The following CARNS1 variants were observed in gnomAD, a reference collection of about 807,000 sequenced individuals.
CARNS1 encodes ATP-grasp domain containing 1.
CARNS1 carries 61 observed loss-of-function variants against 74.0 expected under a neutral mutation model. The observed-to-expected ratio is 0.82, with a 90% CI of 0.67 to 1.02. The LOEUF (loss-of-function observed/expected upper bound fraction) is 1.02. Ranked by LOEUF, CARNS1 falls within the 50% of genes least tolerant of loss-of-function variation. The pLI, the probability that CARNS1 is intolerant of heterozygous loss-of-function variation, is 0.00. For missense variants in CARNS1, 1,278 were observed against 1,308.4 expected (o/e 0.98, Z 0.36); for synonymous variants, 568 against 605.5 (o/e 0.94, Z 0.91).
chr11:67,420,704 C>T lies in CARNS1; in HGVS notation c.1209C>T (p.Gly403=). 2 of 1,266,602 alleles carry T rather than the reference C, an allele frequency of 1.6e-6. No individual in the cohort carries two copies. The highest frequency in any genetic ancestry group is 2.0e-6 in the Non-Finnish European group (2 of 1,009,262). 78.5% of individuals were successfully genotyped at this position (1,266,602 alleles called of 1,614,324 possible). ...LEVALAQCGL[G]EEAQVAAVRQ... is the part of the protein sequence containing the mutation. ...TGGCGCTGGCCCAGTGCGGCCTGGG[C>T]GAGGAGGCGCAGGTGGCGGCTGTGC... The change falls in exon 8 of 10, where the codon GGC becomes GGT. Residue 403 remains glycine, a synonymous_variant. Coordinates refer to ENST00000687366, the MANE Select transcript of CARNS1 (RefSeq NM_001166222.2).
At position 67,419,544 on chromosome 11, in the gene CARNS1, C is replaced by A. The variant is rs1469971369; in HGVS notation, c.910C>A (p.Pro304Thr). The A allele has an allele frequency of 6.2e-7, 1 of 1,608,358 alleles. No homozygotes were observed. Among genetic ancestry groups the A allele is most frequent in the Admixed American group, 1.7e-5 (1 of 59,570 alleles). ...GGGGCGGCAGGCATGGCGTCTGCAC[C>A]CGCGGGCAGAGCTGGGTGCAGTGGT... ...WRGRQAWRLH[P>T]RAELGAVVDT... Residue 304 changes from proline to threonine, a missense_variant, in exon 6 of 10, where the codon CCG becomes ACG. Physicochemically the swap from Pro to Thr is conservative, Grantham distance 38 (BLOSUM62 -1). Around this residue, in one of 3 missense-constraint regions of CARNS1, gnomAD observed 1,164 missense variants for 1,156.5 expected, o/e 1.01. Coordinates refer to ENST00000687366, the MANE Select transcript of CARNS1 (RefSeq NM_001166222.2).
chr11:67,421,185 T>C lies in CARNS1; in HGVS notation c.1592T>C (p.Phe531Ser), dbSNP rs978360640. Reference sequence around the variant, plus strand: ...GGCGCTGGCGGCGTCAGCAAGAAGTTCGTGTGGGAGGCGGCGCGCGACTAC... The same window carrying C: ...GGCGCTGGCGGCGTCAGCAAGAAGTCCGTGTGGGAGGCGGCGCGCGACTAC... ...VVGAGGVSKK[F>S]VWEAARDYGL... The change falls in exon 9 of 10, where the codon TTC becomes TCC. Residue 531 changes from phenylalanine (F) to serine (S), a missense_variant. This residue lies in a region of CARNS1 where 1,164 missense variants were observed against 1,156.5 expected (regional missense o/e 1.01). Transcript: ENST00000687366. 7 of 1,494,346 alleles carry C rather than the reference T, an allele frequency of 4.7e-6. No homozygotes were observed. Among genetic ancestry groups the C allele is most frequent in the Non-Finnish European group, 6.2e-6 (7 of 1,127,980 alleles). 92.6% of individuals were successfully genotyped at this position (1,494,346 alleles called of 1,614,324 possible).
At position 67,417,410 on chromosome 11, in the gene CARNS1, TC is replaced by T. The variant is rs1863569876; in HGVS notation, c.10del (p.Leu4TrpfsTer95). On this transcript the variant is annotated frameshift_variant, in exon 3 of 10. Transcript: ENST00000687366. LOFTEE classifies it high-confidence loss of function. Reference protein sequence around the residue: MLSLDPSGPEWDC... With the variant: MLXLDPSGPEWDC... ...CCTACCACTTCTGCCCTCTCAGCTC[TC>T]CCTGGATCCATCGGGTCCCGAGTGG... The T allele has an allele frequency of 7.3e-7, 1 of 1,361,016 alleles. No homozygotes were observed. The highest frequency in any genetic ancestry group is 1.5e-5 in the African/African-American group (1 of 66,082). 84.3% of individuals were successfully genotyped at this position (1,361,016 alleles called of 1,614,324 possible). A position where few individuals can be genotyped will look rare whatever the true frequency, so the allele number is the denominator to read the frequency against.
chr11:67,419,464 C>T (rs1225267744), intron 5 of CARNS1, 23 bp from the exon 6 acceptor site: 1 of 1,609,288 alleles, frequency 6.2e-7, no homozygotes, highest in Non-Finnish European at 8.5e-7. Context: ...GTCCAGGAGG[C>T]CCCTTTCCCC....
At chr11:67,422,171 CTTTTTTTTTTTTTTTTTTTTT>C (rs35293042) in intron 9 of CARNS1, among the ~76,000 whole-genome samples, 3 of 72,784 alleles carry the variant, frequency 4.1e-5, no homozygotes, top group Admixed American at 3.9e-4. Context: ...CGCGCCCGGC[CTTTTTTTTTTTTTTTTTTTTT>C]TTTTTTTTTA....
At chr11:67,416,089 C>G (rs1863539035) in intron 1 of CARNS1, 87 bp from the exon 2 acceptor site, 2 of 826,962 alleles carry the variant, frequency 2.4e-6, no homozygotes, top group African/African-American at 3.4e-5. Flanking sequence ...CACCTCTCCA[C>G]TCCCAAAGTC....
Position 67,424,394 on chromosome 11 carries a change from G to A in CARNS1, c.2646G>A (p.Leu882=), listed in dbSNP as rs540817926. 2 of 1,592,552 alleles carry A rather than the reference G, an allele frequency of 1.3e-6. No homozygotes were observed. Among genetic ancestry groups the A allele is most frequent in the Admixed American group, 1.8e-5 (1 of 56,452 alleles). The change falls in exon 10 of 10, where the codon CTG becomes CTA. Residue 882 remains leucine (L), a synonymous_variant. Transcript: ENST00000687366. ...GTTCCACCGCCAGCCGTGAGACCCTGCAGGCCCTGCACGACCGTGGACTGC... is the reference window on the plus strand; with the variant it reads ...GTTCCACCGCCAGCCGTGAGACCCTACAGGCCCTGCACGACCGTGGACTGC... ...ALSSTASRET[L]QALHDRGLLR... is the part of the protein sequence containing the mutation.
intron 2 of CARNS1, 31 bp downstream of exon 2, chr11:67,416,233 GCCCAAGT>G: frequency 6.5e-7 from 1 of 1,537,010 alleles, no homozygotes; most frequent in Non-Finnish European, 8.7e-7. Flanking sequence ...CCCCCACAAG[GCCCAAGT>G]CCCTGGGCAG....
In CARNS1 at chr11:67,421,204, C is replaced by A; in HGVS notation, c.1611C>A (p.Arg537=). The A allele has an allele frequency of 6.7e-7, 1 of 1,490,824 alleles. No individual in the cohort carries two copies. Among genetic ancestry groups the A allele is most frequent in the Non-Finnish European group, 8.9e-7 (1 of 1,126,730 alleles). 92.3% of individuals were successfully genotyped at this position (1,490,824 alleles called of 1,614,324 possible). A position where few individuals can be genotyped will look rare whatever the true frequency, so the allele number is the denominator to read the frequency against. The part of the protein sequence containing the change: ...VSKKFVWEAA[R]DYGLQLHLVE... ...AGAAGTTCGTGTGGGAGGCGGCGCG[C>A]GACTACGGGCTCCAGGTGGGCGGGG... The change falls in exon 9 of 10, where the codon CGC becomes CGA. Residue 537 remains arginine, a synonymous_variant. Coordinates refer to ENST00000687366, the MANE Select transcript of CARNS1 (RefSeq NM_001166222.2).
intron 8 of CARNS1, 26 bp from the exon 9 acceptor site, chr11:67,420,913 G>A: frequency 7.3e-7 from 1 of 1,361,164 alleles, no homozygotes; most frequent in Non-Finnish European, 9.4e-7. Flanking sequence ...TGCCGTAGCT[G>A]AGCTCGCGCC....
chr11:67,419,198 AGTGGAG>A lies in CARNS1; in HGVS notation c.809_814del (p.Val270_Glu271del), dbSNP rs1267843629. ...GCCAGGAGACGCTGGTGAAAGAGGA[AGTGGAG>A]GCTTTTCTGCGCTCCGAGGCCCTGG... On this transcript the variant is annotated inframe_deletion, in exon 5 of 10. Transcript: ENST00000687366. 1 of 1,509,358 alleles carries A rather than the reference AGTGGAG, an allele frequency of 6.6e-7. No individual in the cohort carries two copies. Among genetic ancestry groups the A allele is most frequent in the South Asian group, 1.3e-5 (1 of 78,160 alleles). The allele number at this position is 1,509,358 out of a possible 1,614,324, so 93.5% of individuals were successfully genotyped here. A position where few individuals can be genotyped will look rare whatever the true frequency, so the allele number is the denominator to read the frequency against.
intron 9 of CARNS1, among the ~76,000 whole-genome samples, chr11:67,422,330 C>T (rs1457153971): frequency 6.6e-6 from 1 of 151,412 alleles, no homozygotes; most frequent in Non-Finnish European, 1.5e-5. Flanking sequence ...ATTACAGGCA[C>T]GCACCAACAT....
In CARNS1 at chr11:67,424,423, G is replaced by T; in HGVS notation, c.2675G>T (p.Arg892Leu). 1 of 1,588,244 alleles carries T rather than the reference G, an allele frequency of 6.3e-7. No homozygotes were observed. The highest frequency in any genetic ancestry group is 8.6e-7 in the Non-Finnish European group (1 of 1,167,972). The change falls in exon 10 of 10, where the codon CGC (arginine) becomes CTC (leucine). Residue 892 changes from arginine (R) to leucine (L), a missense_variant. By Grantham distance (102) the Arg-to-Leu change is moderately radical. Coordinates refer to ENST00000687366, the MANE Select transcript of CARNS1 (RefSeq NM_001166222.2). The stretch of plus-strand genomic sequence containing the variant: ...GCCCTGCACGACCGTGGACTGCTAC[G>T]CCTCAATCTGCTGGAGGAGGCCCTG... ...LQALHDRGLL[R>L]LNLLEEALVP...
chr11:67,424,096 C>A lies in CARNS1; in HGVS notation c.2348C>A (p.Ala783Asp). 6.2e-7 allele frequency: 1 copy of A among 1,613,686 alleles called. No homozygotes were observed. The highest frequency in any genetic ancestry group is 8.5e-7 in the Non-Finnish European group (1 of 1,179,788). Residue 783 changes from alanine (A) to aspartate (D), a missense_variant, in exon 10 of 10, where the codon GCC (alanine) becomes GAC (aspartate). Physicochemically the swap from Ala to Asp is moderately radical, Grantham distance 126. This residue lies in a region of CARNS1 where 1,164 missense variants were observed against 1,156.5 expected (regional missense o/e 1.01). Coordinates refer to ENST00000687366, the MANE Select transcript of CARNS1 (RefSeq NM_001166222.2). ...CAGGAGGCACAGATGGTTCAGGCAG[C>A]CTTCCGCTGTTGCCTGGGCTGCGGG... The part of the protein sequence containing the change: ...PEQEAQMVQA[A>D]FRCCLGCGLL...
intron 5 of CARNS1, 59 bp from the exon 6 acceptor site, chr11:67,419,427 GC>G: frequency 6.3e-7 from 1 of 1,576,978 alleles, no homozygotes; most frequent in South Asian, 1.2e-5. Context: ...TGGCGGAAGT[GC>G]CCCACCCTGC....
chr11:67,416,288 C>G (rs1325540818), intron 2 of CARNS1, 86 bp downstream of exon 2: 1 of 1,535,286 alleles, frequency 6.5e-7, no homozygotes, highest in Non-Finnish European at 8.7e-7. Context: ...CACCTAGGAC[C>G]TAAGCCTGGG....
At chr11:67,415,917 C>A (rs1863534811) in intron 1 of CARNS1, among the ~76,000 whole-genome samples, 154 bp downstream of exon 1, 1 of 152,076 alleles carries the variant, frequency 6.6e-6, no homozygotes, top group African/African-American at 2.4e-5. Flanking sequence ...CCAACTCCCC[C>A]CCGCGCTGGA....
At position 67,418,944 on chromosome 11, in the gene CARNS1, C is replaced by A; in HGVS notation, c.553C>A (p.Arg185=). ...GGCAGGCCTGGGCCTGGGGCCTGGC[C>A]GGGGCCGAGAGGCAGCAGAACTCGC... ...FLAGLGLGPG[R]GREAAELARD... The change falls in exon 5 of 10, where the codon CGG becomes AGG. Residue 185 remains arginine (R), a synonymous_variant. Coordinates refer to ENST00000687366, the MANE Select transcript of CARNS1 (RefSeq NM_001166222.2). 6.3e-7 allele frequency: 1 copy of A among 1,576,988 alleles called. No individual in the cohort carries two copies. The highest frequency in any genetic ancestry group is 2.3e-5 in the East Asian group (1 of 42,696).
intron 9 of CARNS1, 141 bp downstream of exon 9, chr11:67,421,360 C>T (rs1371286411): frequency 9.9e-7 from 1 of 1,009,146 alleles, no homozygotes; most frequent in Non-Finnish European, 1.3e-6. Flanking sequence ...GCGGGGCATC[C>T]TGGCCAGGTA....
Sources: gnomAD v4.1 joint callset for allele counts (sites outside exome capture counted in the v4.1 genomes callset) on GRCh38, gnomAD v4.1.1 for gene constraint, gnomAD v4.1.1 regional missense constraint, MANE v1.5 for transcripts, NCBI Gene and HGNC (gene_info 2026-07-23, HGNC 2026-07-21) for gene names.